The following SNRNP48 variants were observed in gnomAD, a reference collection of about 807,000 sequenced individuals.
The protein encoded by SNRNP48 is small nuclear ribonucleoprotein U11/U12 subunit 48.
Under a neutral mutation model 47.0 loss-of-function variants are expected in SNRNP48, and 43 were observed. The ratio of observed to expected loss-of-function variants is 0.92; its 90% CI spans 0.72 to 1.18. The LOEUF (loss-of-function observed/expected upper bound fraction) is 1.18. Among genes scored for constraint, SNRNP48 ranks in the 50% most tolerant of loss-of-function variants. The pLI, the probability that SNRNP48 is intolerant of heterozygous loss-of-function variation, is 0.00. For synonymous variants in SNRNP48, 138 were observed against 144.0 expected (o/e 0.96, Z 0.30); for missense variants, 396 against 422.2 (o/e 0.94, Z 0.54).
rs1023804411 is a variant in SNRNP48, at chr6:7,610,541, C to T, written c.*1668C>T. ...TGTGTGACAACTTATAATTTTGTTT[C>T]AAATTGTGATTTCATTGATTTTACT... On this transcript the variant is annotated 3_prime_UTR_variant, in exon 9 of 9. Coordinates refer to ENST00000342415, the MANE Select transcript of SNRNP48 (RefSeq NM_152551.4). 7 of 151,730 alleles carry T rather than the reference C, an allele frequency of 4.6e-5. No homozygotes were observed. The highest frequency in any genetic ancestry group is 1.3e-4 in the Admixed American group (2 of 15,220). The allele number at this position is 151,730 out of a possible 1,614,324, so 9.4% of individuals were successfully genotyped here.
chr6:7,590,487 A>T (rs911343628), intron 1 of SNRNP48, 74 bp downstream of exon 1: 28 of 1,242,610 alleles, frequency 2.3e-5, no homozygotes, highest in Non-Finnish European at 2.7e-5. Context: ...GGAGATCCGC[A>T]CTGGCAGCCG....
At position 7,601,529 on chromosome 6, in the gene SNRNP48, G is replaced by A; in HGVS notation, c.595+5G>A. On this transcript the variant is annotated splice_donor_5th_base_variant and intron_variant, in intron 5 of 8. Coordinates refer to ENST00000342415, the MANE Select transcript of SNRNP48 (RefSeq NM_152551.4). ...TGGCTGCCAAAATCAATCAAGGTTT[G>A]AGATGCACATCATGGCTTTACATTT... 1 of 1,567,530 alleles carries A rather than the reference G, an allele frequency of 6.4e-7. No individual in the cohort carries two copies. Among genetic ancestry groups the A allele is most frequent in the Non-Finnish European group, 8.6e-7 (1 of 1,164,358 alleles).
At chr6:7,604,438 G>C (rs1399566605) in intron 6 of SNRNP48, among the ~76,000 whole-genome samples, 1 of 152,232 alleles carries the variant, frequency 6.6e-6, no homozygotes, top group Non-Finnish European at 1.5e-5. Flanking sequence ...TCTGTTGAGA[G>C]ATGAGGCTAA....
intron 5 of SNRNP48, among the ~76,000 whole-genome samples, chr6:7,601,838 C>T (rs960115908): frequency 6.6e-6 from 1 of 151,910 alleles, no homozygotes; most frequent in African/African-American, 2.4e-5. Flanking sequence ...TACATCGTAT[C>T]AGGTTTTTGG....
At chr6:7,595,992 G>A (rs1334099177) in intron 4 of SNRNP48, among the ~76,000 whole-genome samples, 5 of 152,124 alleles carry the variant, frequency 3.3e-5, no homozygotes, top group Admixed American at 6.5e-5. Flanking sequence ...GGCCAGACAC[G>A]GTGGCTCATG....
rs542838249 is a variant in SNRNP48, at chr6:7,601,423, A to C, written c.494A>C (p.Tyr165Ser). The C allele has an allele frequency of 6.2e-7, 1 of 1,604,006 alleles. No individual in the cohort carries two copies. Among genetic ancestry groups the C allele is most frequent in the Non-Finnish European group, 8.5e-7 (1 of 1,178,062 alleles). The change falls in exon 5 of 9, where the codon TAT becomes TCT. Residue 165 changes from tyrosine to serine, a missense_variant. Tyr to Ser is a moderately radical substitution (Grantham distance 144). Coordinates refer to ENST00000342415, the MANE Select transcript of SNRNP48 (RefSeq NM_152551.4). The part of the protein sequence containing the change: ...DLTQADRLAL[Y>S]DFVVEETKKK... ...ACTCAAGCTGATCGTCTTGCCCTCT[A>C]TGATTTCGTAGTTGAGGAGACAAAG...
chr6:7,598,736 A>G (rs1759956813), intron 4 of SNRNP48, among the ~76,000 whole-genome samples: 1 of 152,184 alleles, frequency 6.6e-6, no homozygotes, highest in Non-Finnish European at 1.5e-5. Flanking sequence ...AAGTTTTTTG[A>G]CAAGGTTTTA....
At chr6:7,602,560 T>A in intron 5 of SNRNP48, 63 bp from the exon 6 acceptor site, 2 of 1,272,092 alleles carry the variant, frequency 1.6e-6, no homozygotes, top group Non-Finnish European at 2.1e-6. Flanking sequence ...TGTATTTATT[T>A]GATAATTCAT....
chr6:7,598,068 T>G (rs548111795), intron 4 of SNRNP48, among the ~76,000 whole-genome samples: 1 of 151,720 alleles, frequency 6.6e-6, no homozygotes, highest in Non-Finnish European at 1.5e-5. Context: ...GGGGTTTCAC[T>G]GTGTTAGCCA....
chr6:7,605,898 A>G (rs1317721253), intron 7 of SNRNP48, 133 bp from the exon 8 acceptor site: 10 of 973,548 alleles, frequency 1.0e-5, no homozygotes, highest in Non-Finnish European at 3.0e-6. Context: ...ATGGGTTATA[A>G]GATTGTGCAT....
chr6:7,597,509 A>T (rs1234688255), intron 4 of SNRNP48, among the ~76,000 whole-genome samples: 1 of 152,188 alleles, frequency 6.6e-6, no homozygotes, highest in African/African-American at 2.4e-5. Context: ...TATCTGTAAT[A>T]CAAAACTCTC....
intron 4 of SNRNP48, among the ~76,000 whole-genome samples, chr6:7,595,845 G>A (rs1374051339): frequency 1.3e-5 from 2 of 152,202 alleles, no homozygotes; most frequent in African/African-American, 4.8e-5. Flanking sequence ...CATATTAATA[G>A]ATCCTTTCAT....
intron 4 of SNRNP48, chr6:7,601,032 G>T (rs1323406435): frequency 1.5e-5 from 3 of 205,424 alleles, no homozygotes; most frequent in African/African-American, 6.9e-5. Context: ...TTACCCAAAA[G>T]GCTTTCTTAG....
At chr6:7,590,633 G>T (rs1250778415) in intron 1 of SNRNP48, among the ~76,000 whole-genome samples, 1 of 152,184 alleles carries the variant, frequency 6.6e-6, no homozygotes, top group East Asian at 1.9e-4. Context: ...ACTCCCGAAG[G>T]CTCCACATCG....
intron 5 of SNRNP48, among the ~76,000 whole-genome samples, chr6:7,601,928 G>A (rs189420858): frequency 1.1e-3 from 169 of 151,986 alleles, no homozygotes; most frequent in African/African-American, 2.9e-3. Flanking sequence ...ATCTCAGTTC[G>A]TTGCAATCTC....
At chr6:7,591,814 T>A (rs1759823668) in intron 1 of SNRNP48, among the ~76,000 whole-genome samples, 1 of 152,264 alleles carries the variant, frequency 6.6e-6, no homozygotes, top group African/African-American at 2.4e-5. Flanking sequence ...GATACACTGC[T>A]AGTAAATGGC....
chr6:7,596,685 TCAGGGAAATTC>T (rs1309796105), intron 4 of SNRNP48, among the ~76,000 whole-genome samples: 1 of 152,202 alleles, frequency 6.6e-6, no homozygotes, highest in Non-Finnish European at 1.5e-5. Flanking sequence ...TTTGTCCCTG[TCAGGGAAATTC>T]CAGGTTTTTT....
intron 8 of SNRNP48, 82 bp from the exon 9 acceptor site, chr6:7,608,743 T>TATTACTGTTGAAAGTGGTGG: frequency 1.4e-6 from 1 of 732,882 alleles, no homozygotes; most frequent in Non-Finnish European, 2.1e-6. Flanking sequence ...GAAAGTGGTG[T>TATTACTGTTGAAAGTGGTGG]ATTACTGTTG....
At chr6:7,592,604 A>G (rs1412653111) in intron 1 of SNRNP48, among the ~76,000 whole-genome samples, 2 of 152,136 alleles carry the variant, frequency 1.3e-5, no homozygotes, top group East Asian at 1.9e-4. Context: ...ATTTTATATA[A>G]TAGAAAATGA....
Sources: gnomAD v4.1 joint callset for allele counts (sites outside exome capture counted in the v4.1 genomes callset) on GRCh38, gnomAD v4.1.1 for gene constraint, MANE v1.5 for transcripts, NCBI Gene and HGNC (gene_info 2026-07-23, HGNC 2026-07-21) for gene names.